MCF2L: variants seen among roughly 807,000 people sequenced by gnomAD.
The protein encoded by MCF2L is guanine nucleotide exchange factor DBS.
A neutral mutation model predicts 153.4 loss-of-function variants in MCF2L; 97 were observed. That is an observed-to-expected ratio of 0.63 (90% CI 0.54 to 0.75). The LOEUF (loss-of-function observed/expected upper bound fraction) is 0.75. MCF2L is among the 30% of genes least tolerant of loss of function. The pLI, the probability that MCF2L is intolerant of heterozygous loss-of-function variation, is 0.00. For missense variants in MCF2L, 1,347 were observed against 1,495.2 expected, an observed-to-expected ratio of 0.90 and a Z score of 1.64; for synonymous variants, 659 against 632.2, an observed-to-expected ratio of 1.04 and a Z score of -0.64.
At chr13:113,048,501 C>T (rs1054167278) in intron 4 of MCF2L, among the ~76,000 whole-genome samples, 12 of 118,092 alleles carry the variant, frequency 1.0e-4, no homozygotes, top group Non-Finnish European at 1.6e-4. Flanking sequence ...ACTGCAGTGG[C>T]GCGATCTCAG....
Position 113,031,307 on chromosome 13 carries a change from G to A in MCF2L, c.278+6549G>A, listed in dbSNP as rs990269677. 6.6e-6 allele frequency among the ~76,000 whole-genome samples: 1 copy of A among 152,132 alleles called. No homozygotes were observed. Among genetic ancestry groups the A allele is most frequent in the African/African-American group, 2.4e-5 (1 of 41,432 alleles). ...GACACAGAGATAAAGAGAGCACGAG[G>A]GAGGCAGAGGGCAGGGGTGGCAGCA... On this transcript the variant is annotated intron_variant, in intron 3 of 29. Transcript: ENST00000535094. This position sits in a 1 kb window ranked among gnomAD's most constrained non-coding sequence, Gnocchi z 5.5.
Position 112,983,678 on chromosome 13 carries a change from G to A in MCF2L, c.79+14220G>A, listed in dbSNP as rs1234748304. Among the ~76,000 whole-genome samples, 4 of 152,194 alleles carry A rather than the reference G, an allele frequency of 2.6e-5. No individual in the cohort carries two copies. The highest frequency in any genetic ancestry group is 4.4e-5 in the Non-Finnish European group (3 of 68,034). ...CTGCCCTTGGTCATCAGGATGTGAG[G>A]CGGTGACGGACACTTCAGTGCTCTG... is the stretch of plus-strand genomic sequence containing the variant. On this transcript the variant is annotated intron_variant, in intron 1 of 29. Coordinates refer to ENST00000535094, the MANE Select transcript of MCF2L (RefSeq NM_001112732.3). The surrounding 1 kb of genome is among the most constrained non-coding windows in gnomAD (Gnocchi z 4.0).
chr13:112,987,229 T>C (rs904539940), intron 1 of MCF2L, among the ~76,000 whole-genome samples: 7 of 151,816 alleles, frequency 4.6e-5, no homozygotes, highest in Non-Finnish European at 1.0e-4. Context: ...CCAGAAGGCA[T>C]CTCCCTCCAC....
chr13:113,001,337 C>G (rs902141811), intron 1 of MCF2L: 1 of 152,350 alleles, frequency 6.6e-6, no homozygotes, highest in Non-Finnish European at 1.5e-5. Context: ...CTCAAAGGCT[C>G]AACTCCCCAC....
At chr13:113,019,460 C>G (rs778733992) in intron 2 of MCF2L, among the ~76,000 whole-genome samples, 6 of 152,220 alleles carry the variant, frequency 3.9e-5, no homozygotes, top group Non-Finnish European at 7.3e-5. Flanking sequence ...GTTCCCTGCC[C>G]GTGGGGGTTT....
At chr13:112,975,579 G>A (rs1004462027) in intron 1 of MCF2L, among the ~76,000 whole-genome samples, 11 of 152,244 alleles carry the variant, frequency 7.2e-5, no homozygotes, top group African/African-American at 2.7e-4. Flanking sequence ...GGTCACTTGT[G>A]CACATGGTCA....
chr13:112,913,310 ATG>A (rs1300607958), intron 2 of MCF2L, among the ~76,000 whole-genome samples: 1 of 151,544 alleles, frequency 6.6e-6, no homozygotes, highest in Non-Finnish European at 1.5e-5. Context: ...GTCTGTGTTT[ATG>A]TGTGTGTGTC....
At chr13:113,005,537 C>G (rs547195363) in intron 1 of MCF2L, among the ~76,000 whole-genome samples, 1 of 150,244 alleles carries the variant, frequency 6.7e-6, no homozygotes, top group Admixed American at 6.6e-5. Flanking sequence ...TTGTGGTGGC[C>G]GTGGTTGGTT....
At chr13:113,000,630 T>G (rs1282693068) in intron 1 of MCF2L, among the ~76,000 whole-genome samples, 1 of 152,196 alleles carries the variant, frequency 6.6e-6, no homozygotes, top group African/African-American at 2.4e-5. Flanking sequence ...CCAGCAAGCG[T>G]TTGGACCTGA....
intron 2 of MCF2L, among the ~76,000 whole-genome samples, chr13:112,911,213 C>G (rs559539529): frequency 1.1e-4 from 17 of 152,330 alleles, no homozygotes; most frequent in African/African-American, 4.1e-4. Context: ...GTCAGTGACT[C>G]CAGAAGACCC....
At chr13:112,992,334 T>C (rs1437494138) in intron 1 of MCF2L, among the ~76,000 whole-genome samples, 1 of 152,216 alleles carries the variant, frequency 6.6e-6, no homozygotes, top group Non-Finnish European at 1.5e-5. Context: ...CCATGTTTAG[T>C]GGGAGCCAAT....
Position 112,943,018 on chromosome 13 carries a change from G to T in MCF2L, c.169+40647G>T, listed in dbSNP as rs1051100318. ...TGTGTGAAGATAATGGGGACATTTT[G>T]GAATGCCATTTGGAAGAAATGGAAA... On this transcript the variant is annotated intron_variant, in intron 2 of 29. Coordinates refer to the MCF2L transcript ENST00000375608. The surrounding 1 kb of genome is among the most constrained non-coding windows in gnomAD (Gnocchi z 4.2). Among the ~76,000 whole-genome samples the T allele has an allele frequency of 6.6e-6, 1 of 152,200 alleles. No homozygotes were observed. The highest frequency in any genetic ancestry group is 1.5e-5 in the Non-Finnish European group (1 of 68,032).
At chr13:113,079,812 T>TC (rs879295669) in intron 15 of MCF2L, among the ~76,000 whole-genome samples, 49,351 of 65,350 alleles carry the variant, frequency 0.76, 17,634 homozygotes, top group Middle Eastern at 0.83. Flanking sequence ...CAGAGGAATG[T>TC]CTGAATGGAG....
intron 1 of MCF2L, among the ~76,000 whole-genome samples, chr13:113,013,459 G>A (rs985301476): frequency 3.9e-5 from 6 of 152,198 alleles, no homozygotes; most frequent in Admixed American, 1.3e-4. Flanking sequence ...TGGCAGGGCC[G>A]CAGCCAGCAC....
At chr13:112,947,131 T>G (rs972566331) in intron 2 of MCF2L, among the ~76,000 whole-genome samples, 1 of 151,946 alleles carries the variant, frequency 6.6e-6, no homozygotes, top group Non-Finnish European at 1.5e-5. Flanking sequence ...CATCACAGGG[T>G]GAAAGGCAGG....
At chr13:112,935,069 A>G (rs1260906514) in intron 2 of MCF2L, among the ~76,000 whole-genome samples, 1 of 152,158 alleles carries the variant, frequency 6.6e-6, no homozygotes, top group East Asian at 1.9e-4. Context: ...CAGTACCTCA[A>G]ACTGTGTTAG....
At chr13:112,968,553 G>A (rs951644247), upstream of MCF2L, 2 of 1,549,116 alleles carry the variant, frequency 1.3e-6, no homozygotes, top group East Asian at 4.8e-5. Context: ...CTGCGGGGAG[G>A]GGCTGGTCCA....
chr13:113,089,913 T>C, intron 26 of MCF2L, 185 bp downstream of exon 26: 10 of 1,601,832 alleles, frequency 6.2e-6, no homozygotes, highest in Non-Finnish European at 6.8e-6. Context: ...CCCTCTCCAT[T>C]GCTCTGCACC....
At chr13:112,911,557 C>A (rs910504938) in intron 2 of MCF2L, among the ~76,000 whole-genome samples, 1 of 152,242 alleles carries the variant, frequency 6.6e-6, no homozygotes, top group Non-Finnish European at 1.5e-5. Context: ...TCCCTCACTT[C>A]CAGAGACCTG....
Sources: gnomAD v4.1 joint callset for allele counts (sites outside exome capture counted in the v4.1 genomes callset) on GRCh38, gnomAD v4.1.1 for gene constraint, Gnocchi (gnomAD v3.1) non-coding constraint, MANE v1.5 for transcripts, NCBI Gene and HGNC (gene_info 2026-07-23, HGNC 2026-07-21) for gene names.